Variants in ZNF14 observed in about 807,000 individuals in gnomAD.
ZNF14 encodes the protein gonadotropin inducible transcription repressor-4.
In ZNF14, 9 loss-of-function variants were observed where a neutral mutation model predicts 11.3. That is an observed-to-expected ratio of 0.80 (90% CI 0.48 to 1.39). The LOEUF (loss-of-function observed/expected upper bound fraction) is 1.39. Among genes scored for constraint, ZNF14 ranks in the 40% most tolerant of loss-of-function variants. The pLI is 0.00. For synonymous variants in ZNF14, 239 were observed against 245.7 expected (o/e 0.97, Z 0.25); for missense variants, 711 against 763.9 (o/e 0.93, Z 0.82).
Position 19,724,974 on chromosome 19 carries a change from T to A in ZNF14, c.3+7982A>T, listed in dbSNP as rs1294896366. 3.0e-5 allele frequency among the ~76,000 whole-genome samples: 4 copies of A among 133,602 alleles called. 2 individuals carry two copies. The highest frequency in any genetic ancestry group is 1.1e-4 in the African/African-American group (4 of 36,030). The allele number at this position is 133,602 out of a possible 152,430, so 87.6% of individuals were successfully genotyped here. ...TCCCTTTATCTTGAGCCTATGTGTG[T>A]CTCTGCACGTGAGATGGGTCTCCTG... On this transcript the variant is annotated intron_variant, in intron 1 of 3. Transcript: ENST00000344099.
chr19:19,714,730 G>A (rs1333662559), intron 1 of ZNF14, among the ~76,000 whole-genome samples: 1 of 24,348 alleles, frequency 4.1e-5, no homozygotes, highest in African/African-American at 1.4e-4. Context: ...TTTTTTTTTT[G>A]AGACAGAGTC....
At chr19:19,718,920 A>G (rs1340530947) in intron 1 of ZNF14, among the ~76,000 whole-genome samples, 1 of 152,048 alleles carries the variant, frequency 6.6e-6, no homozygotes, top group Non-Finnish European at 1.5e-5. Context: ...ACGCACCACC[A>G]TGTCCAGCTA....
Position 19,712,129 on chromosome 19 carries a change from A to G in ZNF14, c.1152T>C (p.Thr384=). The change falls in exon 4 of 4, where the codon ACT becomes ACC. Residue 384 remains threonine (T), a synonymous_variant. Coordinates refer to ENST00000344099, the MANE Select transcript of ZNF14 (RefSeq NM_021030.3). ...WSISLRLHER[T]HTGEKPYECK... Reference sequence around the variant, plus strand: ...ACTCATAAGGTTTCTCTCCAGTATGAGTTCTTTCATGCAATCGAAGAGAAA... The same window carrying G: ...ACTCATAAGGTTTCTCTCCAGTATGGGTTCTTTCATGCAATCGAAGAGAAA... The G allele has an allele frequency of 6.2e-7, 1 of 1,613,962 alleles. No homozygotes were observed. Among genetic ancestry groups the G allele is most frequent in the African/African-American group, 1.3e-5 (1 of 75,036 alleles).
At chr19:19,713,283 TTTG>T (rs1568448569) in intron 3 of ZNF14, among the ~76,000 whole-genome samples, 194 bp from the exon 4 acceptor site, 2 of 152,118 alleles carry the variant, frequency 1.3e-5, no homozygotes, top group African/African-American at 4.8e-5. Flanking sequence ...AGTCAATTTT[TTTG>T]TTGTTGTTGT....
intron 1 of ZNF14, among the ~76,000 whole-genome samples, chr19:19,732,061 G>T (rs959990924): frequency 1.3e-5 from 2 of 152,016 alleles, no homozygotes; most frequent in African/African-American, 4.8e-5. Flanking sequence ...GCGAGACTCC[G>T]TCACACACAA....
chr19:19,731,926 G>C (rs2062424918), intron 1 of ZNF14, among the ~76,000 whole-genome samples: 1 of 152,178 alleles, frequency 6.6e-6, no homozygotes, highest in Non-Finnish European at 1.5e-5. Flanking sequence ...AAATTAGCTG[G>C]GCGTGGTGGC....
intron 1 of ZNF14, among the ~76,000 whole-genome samples, chr19:19,719,728 G>A (rs1599469797): frequency 6.6e-6 from 1 of 152,212 alleles, no homozygotes. Flanking sequence ...AAGAAAAAGG[G>A]AGACATTAAT....
At chr19:19,716,590 T>C (rs1043389522) in intron 1 of ZNF14, among the ~76,000 whole-genome samples, 6 of 152,018 alleles carry the variant, frequency 3.9e-5, no homozygotes, top group African/African-American at 1.4e-4. Flanking sequence ...TGCCTGGCAA[T>C]AATGAGATTT....
chr19:19,729,783 C>T (rs1456995026), intron 1 of ZNF14, among the ~76,000 whole-genome samples: 1 of 152,090 alleles, frequency 6.6e-6, no homozygotes, highest in Non-Finnish European at 1.5e-5. Flanking sequence ...TAAGGGATGA[C>T]CAACATTAAT....
chr19:19,711,945 G>T lies in ZNF14; in HGVS notation c.1336C>A (p.Pro446Thr), dbSNP rs192557306. 52 of 1,613,920 alleles carry T rather than the reference G, an allele frequency of 3.2e-5. No individual in the cohort carries two copies. In the East Asian group the frequency reaches 1.1e-3, roughly 33 times the overall value. ...RHERTHNAEK[P>T]YECKQCGKAF... is the part of the protein sequence containing the mutation. ...TTCCCACACTGTTTACATTCATAGG[G>T]TTTCTCTGCATTGTGAGTCCTTTCA... Residue 446 changes from proline to threonine, a missense_variant, in exon 4 of 4, where the codon CCC (proline) becomes ACC (threonine). Physicochemically the swap from Pro to Thr is conservative, Grantham distance 38. Transcript: ENST00000344099.
At position 19,711,314 on chromosome 19, in the gene ZNF14, C is replaced by G. The variant is rs1224127518; in HGVS notation, c.*38G>C. 7 of 1,522,114 alleles carry G rather than the reference C, an allele frequency of 4.6e-6. No individual in the cohort carries two copies. The highest frequency in any genetic ancestry group is 1.4e-5 in the African/African-American group (1 of 71,752). 94.3% of individuals were successfully genotyped at this position (1,522,114 alleles called of 1,614,324 possible). On this transcript the variant is annotated 3_prime_UTR_variant, in exon 4 of 4. Transcript: ENST00000344099. ...AACTCTTTTGTGTATTCAGAAGGAGCTGGAACAACCGAAGGCTTCAGAATG... is the reference window on the plus strand; with the variant it reads ...AACTCTTTTGTGTATTCAGAAGGAGGTGGAACAACCGAAGGCTTCAGAATG...
At chr19:19,717,140 G>A (rs779098074) in intron 1 of ZNF14, among the ~76,000 whole-genome samples, 4 of 152,210 alleles carry the variant, frequency 2.6e-5, no homozygotes, top group African/African-American at 7.2e-5. Flanking sequence ...CAAGCCACAC[G>A]GTAGGGTGCC....
chr19:19,714,551 T>G lies in ZNF14; in HGVS notation c.4-64A>C, dbSNP rs1211464081. The G allele has an allele frequency of 3.2e-6, 5 of 1,545,830 alleles. No homozygotes were observed. In the African/African-American group the frequency reaches 6.9e-5, roughly 21 times the overall value. ...ACTGGCAGTACTGGGGATCTATACT[T>G]GATTTGTAAGAAGTTCCCATACAAT... is the stretch of plus-strand genomic sequence containing the variant. On this transcript the variant is annotated intron_variant, in intron 1 of 3. Transcript: ENST00000344099.
At chr19:19,714,686 AT>A (rs2062372629) in intron 1 of ZNF14, among the ~76,000 whole-genome samples, 199 bp from the exon 2 acceptor site, 1 of 134,122 alleles carries the variant, frequency 7.5e-6, no homozygotes, top group Non-Finnish European at 1.6e-5. Flanking sequence ...AATTACTTCT[AT>A]TTTTTTCTTT....
chr19:19,711,666 C>T lies in ZNF14; in HGVS notation c.1615G>A (p.Ala539Thr). 1 of 1,613,932 alleles carries T rather than the reference C, an allele frequency of 6.2e-7. No homozygotes were observed. Residue 539 changes from alanine to threonine, a missense_variant, in exon 4 of 4, where the codon GCC becomes ACC. Physicochemically the swap from Ala to Thr is moderately conservative, Grantham distance 58. Transcript: ENST00000344099. ...CGAATTTGACTGGAACGAAGGAAGG[C>T]CTTACCACATTGCTTACACTCAAAA... ...KPFECKQCGK[A>T]FLRSSQIRLH...
chr19:19,720,565 G>A lies in ZNF14; in HGVS notation c.4-6078C>T, dbSNP rs1345528466. Among the ~76,000 whole-genome samples the A allele has an allele frequency of 6.6e-6, 1 of 151,890 alleles. No homozygotes were observed. The highest frequency in any genetic ancestry group is 1.5e-5 in the Non-Finnish European group (1 of 67,974). On this transcript the variant is annotated intron_variant, in intron 1 of 3. Coordinates refer to ENST00000344099, the MANE Select transcript of ZNF14 (RefSeq NM_021030.3). This position sits in a 1 kb window ranked among gnomAD's most constrained non-coding sequence, Gnocchi z 4.1. The stretch of plus-strand genomic sequence containing the variant: ...GCCATGTTGGCCAGGCTGGTCTCAA[G>A]GTCCTGACCTCAAGTGATCTGTCCG...
At chr19:19,721,019 G>A (rs952545422) in intron 1 of ZNF14, among the ~76,000 whole-genome samples, 27 of 152,138 alleles carry the variant, frequency 1.8e-4, no homozygotes, top group African/African-American at 3.9e-4. Context: ...GCGCAGTGGC[G>A]CGATCTTGGC....
At chr19:19,727,671 T>C (rs1199670418) in intron 1 of ZNF14, among the ~76,000 whole-genome samples, 5 of 133,830 alleles carry the variant, frequency 3.7e-5, no homozygotes, top group Non-Finnish European at 6.6e-5. Flanking sequence ...AAGGGACTAA[T>C]AATATGTAGT....
chr19:19,711,260 T>C lies in ZNF14; in HGVS notation c.*92A>G. ...ACAATTAAGGGCTTTAGAACAATGT[T>C]TGTATTCACACAGCTTCTGTCCAGT... is the stretch of plus-strand genomic sequence containing the variant. On this transcript the variant is annotated 3_prime_UTR_variant, in exon 4 of 4. Coordinates refer to ENST00000344099, the MANE Select transcript of ZNF14 (RefSeq NM_021030.3). The C allele has an allele frequency of 2.9e-6, 4 of 1,393,286 alleles. No individual in the cohort carries two copies. Among genetic ancestry groups the C allele is most frequent in the Non-Finnish European group, 3.9e-6 (4 of 1,035,496 alleles). 86.3% of individuals were successfully genotyped at this position (1,393,286 alleles called of 1,614,324 possible).
Sources: gnomAD v4.1 joint callset for allele counts (sites outside exome capture counted in the v4.1 genomes callset) on GRCh38, gnomAD v4.1.1 for gene constraint, Gnocchi (gnomAD v3.1) non-coding constraint, MANE v1.5 for transcripts, NCBI Gene and HGNC (gene_info 2026-07-23, HGNC 2026-07-21) for gene names.